The following ELOC variants were observed in gnomAD, a reference collection of about 807,000 sequenced individuals.
The protein encoded by ELOC is elongin-C.
For synonymous variants in ELOC, 40 were observed against 51.3 expected, an observed-to-expected ratio of 0.78 and a Z score of 0.94; for missense variants, 38 against 139.0, an observed-to-expected ratio of 0.27 and a Z score of 3.65.
rs1237997739 is a variant in ELOC, at chr8:73,965,333, A to G, written c.-50-5515T>C. 2.0e-5 allele frequency among the ~76,000 whole-genome samples: 3 copies of G among 152,322 alleles called. No homozygotes were observed. The East Asian group carries it at 5.8e-4, about 29-fold the overall frequency. ...TAAAATTAAAAAGACTGTGAACATT[A>G]AAGGCTGGAGAGGATGTGGAGCAAA... On this transcript the variant is annotated intron_variant, in intron 1 of 3. Coordinates refer to ENST00000520242, the MANE Select transcript of ELOC (RefSeq NM_005648.4).
intron 1 of ELOC, among the ~76,000 whole-genome samples, chr8:73,960,444 A>G (rs1158809427): frequency 1.3e-5 from 2 of 152,176 alleles, no homozygotes; most frequent in Non-Finnish European, 2.9e-5. Flanking sequence ...GCCTTTGGAT[A>G]GTTTAAACTA....
rs61081733 is a variant in ELOC, at chr8:73,965,036, C to CAAAAA, written c.-50-5223_-50-5219dup. 5.7e-3 allele frequency among the ~76,000 whole-genome samples: 466 copies of CAAAAA among 81,358 alleles called. 3 individuals carry two copies. The highest frequency in any genetic ancestry group is 0.014 in the African/African-American group (288 of 21,036). 53.4% of individuals were successfully genotyped at this position (81,358 alleles called of 152,430 possible). ...GTAAGACACTGTCTCAAAAACAAACCAAAAAAAAAAAAAAAAACTCTCAAA... is the reference window on the plus strand; with the variant it reads ...GTAAGACACTGTCTCAAAAACAAACCAAAAAAAAAAAAAAAAAAAAAACTCTCAAA... On this transcript the variant is annotated intron_variant, in intron 1 of 3. Transcript: ENST00000520242.
chr8:73,951,647 C>CACAACAACAACAACA (rs71269967), intron 3 of ELOC, among the ~76,000 whole-genome samples: 115 of 149,920 alleles, frequency 7.7e-4, no homozygotes, highest in African/African-American at 2.4e-3. Flanking sequence ...CAAAAAACCC[C>CACAACAACAACAACA]ACAACAACAA....
intron 2 of ELOC, among the ~76,000 whole-genome samples, chr8:73,959,498 A>C (rs1814444950): frequency 6.6e-6 from 1 of 152,214 alleles, no homozygotes; most frequent in South Asian, 2.1e-4. Context: ...GGCCTATACA[A>C]GGACAAGATC....
At chr8:73,967,060 G>A (rs1003980642) in intron 1 of ELOC, among the ~76,000 whole-genome samples, 2 of 152,108 alleles carry the variant, frequency 1.3e-5, no homozygotes, top group African/African-American at 4.8e-5. Flanking sequence ...AAGAATAAAT[G>A]GCTTTACATA....
chr8:73,954,662 A>G (rs1298427813), intron 3 of ELOC, among the ~76,000 whole-genome samples: 1 of 151,334 alleles, frequency 6.6e-6, no homozygotes, highest in East Asian at 1.9e-4. Context: ...AAAAAAAAAA[A>G]AAAAAGAATA....
At chr8:73,960,517 T>C (rs1352434596) in intron 1 of ELOC, among the ~76,000 whole-genome samples, 2 of 152,130 alleles carry the variant, frequency 1.3e-5, no homozygotes, top group Admixed American at 6.6e-5. Context: ...GACCTCCAGT[T>C]GGAGGGGTGC....
rs538944530 is a variant in ELOC, at chr8:73,953,447, C to T, written c.148+2464G>A. 2.6e-4 allele frequency among the ~76,000 whole-genome samples: 40 copies of T among 152,124 alleles called. No homozygotes were observed. In the East Asian group the frequency reaches 5.6e-3, roughly 21 times the overall value. On this transcript the variant is annotated intron_variant, in intron 3 of 3. Transcript: ENST00000520242. ...ATCCCAGCACTTTGGGAGGCTGAGG[C>T]GGGCGGGTCACCTGAGGCCGGGAAT...
chr8:73,947,911 G>A (rs919928628), intron 3 of ELOC, among the ~76,000 whole-genome samples: 1 of 152,020 alleles, frequency 6.6e-6, no homozygotes, highest in African/African-American at 2.4e-5. Flanking sequence ...TAGTACTTGA[G>A]GGCCGGGCGG....
intron 3 of ELOC, among the ~76,000 whole-genome samples, chr8:73,954,256 AGAT>A (rs1435299857): frequency 6.6e-6 from 1 of 152,216 alleles, no homozygotes; most frequent in Non-Finnish European, 1.5e-5. Flanking sequence ...AACTAGATAG[AGAT>A]GATGGCTGCA....
At chr8:73,951,413 C>T (rs553688773) in intron 3 of ELOC, among the ~76,000 whole-genome samples, 1 of 152,070 alleles carries the variant, frequency 6.6e-6, no homozygotes, top group Non-Finnish European at 1.5e-5. Flanking sequence ...CACCTGTAAC[C>T]CCAGCACTTT....
At chr8:73,956,311 G>T (rs183425243) in intron 2 of ELOC, among the ~76,000 whole-genome samples, 1 of 152,084 alleles carries the variant, frequency 6.6e-6, no homozygotes, top group South Asian at 2.1e-4. Flanking sequence ...CTTGAACCTC[G>T]GAGGTGGAGG....
chr8:73,962,578 A>AC (rs544230073), intron 1 of ELOC, among the ~76,000 whole-genome samples: 67 of 151,690 alleles, frequency 4.4e-4, no homozygotes, highest in Non-Finnish European at 2.2e-4. Flanking sequence ...AACAAAACAA[A>AC]AAAAAAAACA....
chr8:73,972,114 T>C lies in ELOC; in HGVS notation c.-88A>G. 6.5e-6 allele frequency: 1 copy of C among 152,672 alleles called. No individual in the cohort carries two copies. The highest frequency in any genetic ancestry group is 1.9e-4 in the East Asian group (1 of 5,184). 9.5% of individuals were successfully genotyped at this position (152,672 alleles called of 1,614,324 possible). Reference sequence around the variant, plus strand: ...CAGCCACCGCAGCCGGGTCCCCGCGTACTGCCACAGCCCCTATCCCAGGGC... The same window carrying C: ...CAGCCACCGCAGCCGGGTCCCCGCGCACTGCCACAGCCCCTATCCCAGGGC... On this transcript the variant is annotated 5_prime_UTR_variant, in exon 1 of 4. Transcript: ENST00000520242.
chr8:73,963,376 T>C (rs973473984), intron 1 of ELOC, among the ~76,000 whole-genome samples: 4 of 152,234 alleles, frequency 2.6e-5, no homozygotes, highest in African/African-American at 9.6e-5. Flanking sequence ...AGTCTCCATT[T>C]TGTTCTCACA....
intron 1 of ELOC, among the ~76,000 whole-genome samples, chr8:73,967,267 T>G (rs1190180751): frequency 1.3e-5 from 2 of 152,026 alleles, no homozygotes; most frequent in Admixed American, 6.6e-5. Flanking sequence ...ACATTTTTAG[T>G]GTGGGGGTTG....
At position 73,965,797 on chromosome 8, in the gene ELOC, A is replaced by G. The variant is rs913423880; in HGVS notation, c.-50-5979T>C. Among the ~76,000 whole-genome samples the G allele has an allele frequency of 3.3e-5, 5 of 152,224 alleles. 1 individual carries two copies. Among genetic ancestry groups the G allele is most frequent in the African/African-American group, 2.4e-5 (1 of 41,462 alleles). ...GGTTTTCTGCCTAATTAAGCTTTTGAAAGTGACATCGGTAATAAAATTAAC... is the reference window on the plus strand; with the variant it reads ...GGTTTTCTGCCTAATTAAGCTTTTGGAAGTGACATCGGTAATAAAATTAAC... On this transcript the variant is annotated intron_variant, in intron 1 of 3. Coordinates refer to ENST00000520242, the MANE Select transcript of ELOC (RefSeq NM_005648.4).
chr8:73,971,025 T>C (rs1586627400), intron 1 of ELOC, among the ~76,000 whole-genome samples: 1 of 62,048 alleles, frequency 1.6e-5, no homozygotes. Context: ...AGAGCGAGAC[T>C]CCGTCTCAAA....
chr8:73,958,584 G>C (rs1814367496), intron 2 of ELOC, among the ~76,000 whole-genome samples: 1 of 152,108 alleles, frequency 6.6e-6, no homozygotes, highest in Non-Finnish European at 1.5e-5. Context: ...CTAAATTACA[G>C]ACTATTCAAG....
Sources: allele counts gnomAD v4.1 joint callset (sites outside exome capture counted in the v4.1 genomes callset), GRCh38; gene constraint gnomAD v4.1.1; transcripts MANE v1.5; gene names NCBI Gene and HGNC (gene_info 2026-07-23, HGNC 2026-07-21).